GRK5: variants seen among roughly 807,000 people sequenced by gnomAD.
GRK5 encodes the protein G protein-coupled receptor kinase 5, also known as g protein-coupled receptor kinase GRK5.
A neutral mutation model predicts 78.4 loss-of-function variants in GRK5; 40 were observed. The ratio of observed to expected loss-of-function variants is 0.51; its 90% CI spans 0.40 to 0.66. The LOEUF is 0.66. Among genes scored for constraint, GRK5 ranks in the 30% least tolerant of loss-of-function variants. The pLI, the probability that GRK5 is intolerant of heterozygous loss-of-function variation, is 0.00. For synonymous variants in GRK5, 289 were observed against 296.8 expected (o/e 0.97, Z 0.27); for missense variants, 598 against 759.9 (o/e 0.79, Z 2.50).
Position 119,380,889 on chromosome 10 carries a change from C to T in GRK5, c.223C>T (p.Pro75Ser). Residue 75 changes from proline (P) to serine (S), a missense_variant, in exon 3 of 16, where the codon CCT becomes TCT. Transcript: ENST00000392870. ...LLFRQFCETR[P>S]GLECYIQFLD... ...TTTCCGGCAGTTTTGTGAAACCAGG[C>T]CTGGGCTGGAGTGTTACATTCAGTT... 1 of 1,613,364 alleles carries T rather than the reference C, an allele frequency of 6.2e-7. No homozygotes were observed. The highest frequency in any genetic ancestry group is 8.5e-7 in the Non-Finnish European group (1 of 1,179,298).
chr10:119,448,786 C>T (rs1443935886), intron 13 of GRK5, among the ~76,000 whole-genome samples: 2 of 152,152 alleles, frequency 1.3e-5, no homozygotes, highest in Non-Finnish European at 2.9e-5. Flanking sequence ...CAGGAGGTCC[C>T]CAGGTCCCCC....
chr10:119,403,884 C>T (rs1183345351), intron 4 of GRK5, among the ~76,000 whole-genome samples: 6 of 152,180 alleles, frequency 3.9e-5, no homozygotes, highest in Non-Finnish European at 2.9e-5. Context: ...ATCCACCCTC[C>T]TTAGTTTTCC....
At position 119,438,488 on chromosome 10, in the gene GRK5, T is replaced by C. The variant is rs534073886; in HGVS notation, c.930-1243T>C. Among the ~76,000 whole-genome samples, 169 of 141,648 alleles carry C rather than the reference T, an allele frequency of 1.2e-3. 1 individual carries two copies. Among genetic ancestry groups the C allele is most frequent in the Middle Eastern group, 7.1e-3 (2 of 282 alleles). The allele number at this position is 141,648 out of a possible 152,430, so 92.9% of individuals were successfully genotyped here. ...TCTTGATGACATGCCCTTCCCCCCATACCATCCCCCCATTTATGTTTCTGT... is the reference window on the plus strand; with the variant it reads ...TCTTGATGACATGCCCTTCCCCCCACACCATCCCCCCATTTATGTTTCTGT... On this transcript the variant is annotated intron_variant, in intron 9 of 15. Coordinates refer to ENST00000392870, the MANE Select transcript of GRK5 (RefSeq NM_005308.3).
At position 119,452,037 on chromosome 10, in the gene GRK5, T is replaced by C. The variant is rs905996804; in HGVS notation, c.1405-634T>C. Among the ~76,000 whole-genome samples the C allele has an allele frequency of 2.0e-5, 3 of 152,152 alleles. No individual in the cohort carries two copies. Among genetic ancestry groups the C allele is most frequent in the Non-Finnish European group, 4.4e-5 (3 of 68,018 alleles). On this transcript the variant is annotated intron_variant, in intron 13 of 15. Transcript: ENST00000392870. The surrounding 1 kb of genome is among the most constrained non-coding windows in gnomAD (Gnocchi z 4.4). ...TCTTAGAGGGCAGGGTCCACCCAGGTTCATCTCTGCCCTGGCATAGAGCAG... is the reference window on the plus strand; with the variant it reads ...TCTTAGAGGGCAGGGTCCACCCAGGCTCATCTCTGCCCTGGCATAGAGCAG...
chr10:119,381,065 T>C lies in GRK5; in HGVS notation c.261+138T>C, dbSNP rs2133831383. 1.2e-5 allele frequency: 7 copies of C among 579,404 alleles called. No individual in the cohort carries two copies. The East Asian group carries it at 2.0e-4, about 17-fold the overall frequency. The allele number at this position is 579,404 out of a possible 1,614,324, so 35.9% of individuals were successfully genotyped here. ...GCTTACAAAACTCCCACTACAGACT[T>C]TGATTAGGAATGCAAAATTGTCTGA... is the stretch of plus-strand genomic sequence containing the variant. On this transcript the variant is annotated intron_variant, in intron 3 of 15. Coordinates refer to ENST00000392870, the MANE Select transcript of GRK5 (RefSeq NM_005308.3).
chr10:119,396,558 C>T, intron 3 of GRK5, 137 bp from the exon 4 acceptor site: 1 of 691,266 alleles, frequency 1.4e-6, no homozygotes, highest in East Asian at 2.7e-5. Flanking sequence ...GTCTTCCCCC[C>T]CGGTTTCCTG....
intron 3 of GRK5, among the ~76,000 whole-genome samples, chr10:119,395,341 G>C (rs1852029441): frequency 6.6e-6 from 1 of 152,234 alleles, no homozygotes; most frequent in African/African-American, 2.4e-5. Flanking sequence ...TGTGGTCACT[G>C]CGAGTGCCGC....
intron 1 of GRK5, among the ~76,000 whole-genome samples, chr10:119,322,744 C>T (rs1850607197): frequency 6.6e-6 from 1 of 152,192 alleles, no homozygotes. Flanking sequence ...AAGAGTGCTT[C>T]ATCAGTTCCC....
At chr10:119,303,164 C>T (rs1179640194) in intron 1 of GRK5, among the ~76,000 whole-genome samples, 1 of 152,092 alleles carries the variant, frequency 6.6e-6, no homozygotes, top group African/African-American at 2.4e-5. Flanking sequence ...GAGTCTGCCC[C>T]GGGGGCAGGA....
intron 1 of GRK5, among the ~76,000 whole-genome samples, chr10:119,321,054 A>G (rs1277897450): frequency 6.6e-6 from 1 of 152,232 alleles, no homozygotes; most frequent in Non-Finnish European, 1.5e-5. Flanking sequence ...CAGCTTCACA[A>G]CCCCGCAGCA....
chr10:119,394,300 G>GTGTGTGGGTGTGTGTATGGGTGTGTA (rs1851966501), intron 3 of GRK5, among the ~76,000 whole-genome samples: 1 of 9,412 alleles, frequency 1.1e-4, no homozygotes, highest in Admixed American at 7.5e-4. Flanking sequence ...GTATCTGTGT[G>GTGTGTGGGTGTGTGTATGGGTGTGTA]TCTGTGTGGG....
chr10:119,210,110 G>C (rs1047790133), intron 1 of GRK5, among the ~76,000 whole-genome samples: 72 of 152,178 alleles, frequency 4.7e-4, no homozygotes, highest in African/African-American at 1.7e-3. Context: ...CAGAATTACA[G>C]TGATTGAAAG....
At chr10:119,443,904 G>A (rs922763792) in intron 12 of GRK5, 152 bp downstream of exon 12, 1 of 688,804 alleles carries the variant, frequency 1.5e-6, no homozygotes, top group Non-Finnish European at 2.4e-6. Context: ...AGAGTTGAGG[G>A]CACTCCTTGC....
chr10:119,303,551 T>A (rs2133725221), intron 1 of GRK5, among the ~76,000 whole-genome samples: 1 of 152,202 alleles, frequency 6.6e-6, no homozygotes, highest in African/African-American at 2.4e-5. Context: ...GGCATAGTGG[T>A]TGTGGGGGAG....
Position 119,416,334 on chromosome 10 carries a change from C to T in GRK5, c.340-6832C>T, listed in dbSNP as rs531411124. Among the ~76,000 whole-genome samples the T allele has an allele frequency of 9.1e-4, 139 of 152,384 alleles. 1 individual carries two copies. The highest frequency in any genetic ancestry group is 2.2e-3 in the Admixed American group (34 of 15,310). On this transcript the variant is annotated intron_variant, in intron 4 of 15. Coordinates refer to ENST00000392870, the MANE Select transcript of GRK5 (RefSeq NM_005308.3). ...CGCCTTGGCGACGCCATCCTCGGGG[C>T]TGATAACTCAGCCACTGATAGCTGC...
chr10:119,279,380 C>T (rs550861745), intron 1 of GRK5, among the ~76,000 whole-genome samples: 2 of 152,262 alleles, frequency 1.3e-5, no homozygotes, highest in East Asian at 3.9e-4. Flanking sequence ...GTGCTGAGCC[C>T]TGAGTGCAGT....
At position 119,264,055 on chromosome 10, in the gene GRK5, T is replaced by C. The variant is rs558174850; in HGVS notation, c.52+56086T>C. Among the ~76,000 whole-genome samples the C allele has an allele frequency of 1.6e-4, 24 of 152,344 alleles. No homozygotes were observed. In the South Asian group the frequency reaches 5.0e-3, roughly 32 times the overall value. On this transcript the variant is annotated intron_variant, in intron 1 of 15. Coordinates refer to ENST00000392870, the MANE Select transcript of GRK5 (RefSeq NM_005308.3). This position sits in a 1 kb window ranked among gnomAD's most constrained non-coding sequence, Gnocchi z 4.1. Reference sequence around the variant, plus strand: ...GACAGATGGCAGGCAGGAGGCAGATTGGAGAGAGGTTCTCAGCATGACTTT... The same window carrying C: ...GACAGATGGCAGGCAGGAGGCAGATCGGAGAGAGGTTCTCAGCATGACTTT...
Position 119,379,135 on chromosome 10 carries a change from A to G in GRK5, c.149-1680A>G, listed in dbSNP as rs1851672707. Among the ~76,000 whole-genome samples the G allele has an allele frequency of 6.6e-6, 1 of 152,248 alleles. No homozygotes were observed. Among genetic ancestry groups the G allele is most frequent in the Admixed American group, 6.5e-5 (1 of 15,284 alleles). On this transcript the variant is annotated intron_variant, in intron 2 of 15. Coordinates refer to ENST00000392870, the MANE Select transcript of GRK5 (RefSeq NM_005308.3). This position sits in a 1 kb window ranked among gnomAD's most constrained non-coding sequence, Gnocchi z 4.1. ...TGGAACAGACCAAATTATCACATCCATAACGATGAGAAATGGGGTTTATTA... is the reference window on the plus strand; with the variant it reads ...TGGAACAGACCAAATTATCACATCCGTAACGATGAGAAATGGGGTTTATTA...
chr10:119,354,070 A>G (rs1007996949), intron 2 of GRK5, among the ~76,000 whole-genome samples: 5 of 150,942 alleles, frequency 3.3e-5, no homozygotes, highest in East Asian at 1.9e-4. Flanking sequence ...CTAAAATCTG[A>G]TAAGTTCTGA....
Sources: gnomAD v4.1 joint callset for allele counts (sites outside exome capture counted in the v4.1 genomes callset) on GRCh38, gnomAD v4.1.1 for gene constraint, Gnocchi (gnomAD v3.1) non-coding constraint, MANE v1.5 for transcripts, NCBI Gene and HGNC (gene_info 2026-07-23, HGNC 2026-07-21) for gene names.